The following USP53 variants were observed in gnomAD, a reference collection of about 807,000 sequenced individuals.
USP53 encodes ubiquitin specific peptidase 53, also known as ubiquitin carboxyl-terminal hydrolase 53.
USP53 carries 71 observed loss-of-function variants against 94.9 expected under a neutral mutation model. The ratio of observed to expected loss-of-function variants is 0.75; its 90% CI spans 0.62 to 0.91. The LOEUF is 0.91. USP53 is among the 40% of genes least tolerant of loss of function. The pLI, the probability that USP53 is intolerant of heterozygous loss-of-function variation, is 0.00. For missense variants in USP53, 1,173 were observed against 1,281.0 expected (o/e 0.92, Z 1.29); for synonymous variants, 375 against 422.7 (o/e 0.89, Z 1.39).
chr4:119,253,762 T>C (rs1749366747), intron 7 of USP53, among the ~76,000 whole-genome samples: 1 of 152,174 alleles, frequency 6.6e-6, no homozygotes, highest in African/African-American at 2.4e-5. Context: ...CCTGTCATTA[T>C]GATGTTAGCT....
intron 17 of USP53, among the ~76,000 whole-genome samples, chr4:119,273,971 A>G (rs887411828): frequency 3.3e-5 from 5 of 150,772 alleles, no homozygotes; most frequent in Admixed American, 3.3e-4. Context: ...GACTTCACAA[A>G]GTGTTAATAA....
intron 17 of USP53, among the ~76,000 whole-genome samples, chr4:119,284,418 C>T (rs756202736): frequency 9.9e-5 from 15 of 151,566 alleles, no homozygotes; most frequent in Non-Finnish European, 1.9e-4. Flanking sequence ...ATGATGAATT[C>T]TGCTGCAAAT....
Position 119,271,683 on chromosome 4 carries a change from G to C in USP53, c.1823G>C (p.Arg608Thr). 1 of 1,613,982 alleles carries C rather than the reference G, an allele frequency of 6.2e-7. No individual in the cohort carries two copies. Among genetic ancestry groups the C allele is most frequent in the Non-Finnish European group, 8.5e-7 (1 of 1,180,008 alleles). ...AGTGAAAAAAGACAGCATAGTCCAA[G>C]ACATAAACCAAATATCAGTAATAAG... ...SESEKRQHSP[R>T]HKPNISNKPK... The change falls in exon 16 of 19, where the codon AGA becomes ACA. Residue 608 changes from arginine to threonine, a missense_variant. Arg to Thr is a moderately conservative substitution (Grantham distance 71). Coordinates refer to ENST00000692078, the MANE Select transcript of USP53 (RefSeq NM_001371395.1).
chr4:119,272,651 C>T (rs1238999461), intron 16 of USP53: 1 of 152,438 alleles, frequency 6.6e-6, no homozygotes, highest in African/African-American at 2.4e-5. Context: ...ATCCACCTGC[C>T]TTGGCCTCCC....
intron 17 of USP53, among the ~76,000 whole-genome samples, chr4:119,278,296 G>T (rs1752937735): frequency 6.6e-6 from 1 of 152,002 alleles, no homozygotes; most frequent in Non-Finnish European, 1.5e-5. Flanking sequence ...GGCAGGCCTA[G>T]TGGTGACAAA....
At chr4:119,219,515 T>C (rs1032521085) in intron 3 of USP53, 1 of 152,246 alleles carries the variant, frequency 6.6e-6, no homozygotes, top group African/African-American at 2.4e-5. Context: ...GCCAAATACA[T>C]TGACATTCAT....
chr4:119,292,250 A>C, intron 18 of USP53, 88 bp from the exon 19 acceptor site: 1 of 1,361,750 alleles, frequency 7.3e-7, no homozygotes, highest in Non-Finnish European at 9.7e-7. Flanking sequence ...TTTTGGGAAA[A>C]TCAAACTACA....
chr4:119,254,716 ACTTCTGTCAACT>A (rs914022457), intron 7 of USP53, among the ~76,000 whole-genome samples: 1 of 152,142 alleles, frequency 6.6e-6, no homozygotes, highest in Admixed American at 6.5e-5. Context: ...TCTGAAGCCT[ACTTCTGTCAACT>A]CTTCAAACTC....
intron 17 of USP53, among the ~76,000 whole-genome samples, chr4:119,286,452 T>C (rs1370769284): frequency 2.0e-5 from 3 of 151,890 alleles, no homozygotes; most frequent in Non-Finnish European, 4.4e-5. Context: ...GACACATGGA[T>C]GTCTATGTCA....
At chr4:119,225,534 C>G (rs1478692434) in intron 3 of USP53, among the ~76,000 whole-genome samples, 2 of 152,032 alleles carry the variant, frequency 1.3e-5, no homozygotes, top group Admixed American at 6.5e-5. Flanking sequence ...ATCACGAGGT[C>G]CAGAGATCAA....
intron 17 of USP53, among the ~76,000 whole-genome samples, chr4:119,282,237 T>TA (rs1371624583): frequency 6.6e-6 from 1 of 152,146 alleles, no homozygotes; most frequent in African/African-American, 2.4e-5. Flanking sequence ...TGTGGGTTGT[T>TA]ATTATCCTTT....
At chr4:119,259,294 A>G (rs542999340) in intron 9 of USP53, among the ~76,000 whole-genome samples, 2,791 of 132,772 alleles carry the variant, frequency 0.021, 116 homozygotes, top group African/African-American at 0.075. Flanking sequence ...AAAAAAAAAA[A>G]AGGGGGGGGA....
intron 11 of USP53, among the ~76,000 whole-genome samples, chr4:119,261,358 A>C (rs1454749931): frequency 1.3e-5 from 2 of 152,198 alleles, no homozygotes; most frequent in African/African-American, 2.4e-5. Flanking sequence ...TAATATGTTT[A>C]ATGAACATTC....
Position 119,239,723 on chromosome 4 carries a change from C to CATAAA in USP53, c.-36_-35insTAAAA. The CATAAA allele has an allele frequency of 1.3e-6, 2 of 1,574,874 alleles. No homozygotes were observed. The highest frequency in any genetic ancestry group is 2.4e-5 in the South Asian group (2 of 84,566). ...GTCCAAAATATTACATAAAAGTGTA[C>CATAAA]AGTTTTTAGCCTAAATGCAAACAAA... On this transcript the variant is annotated 5_prime_UTR_variant, in exon 5 of 19. Coordinates refer to ENST00000692078, the MANE Select transcript of USP53 (RefSeq NM_001371395.1).
intron 9 of USP53, 101 bp downstream of exon 9, chr4:119,256,624 C>T: frequency 8.2e-7 from 1 of 1,212,494 alleles, no homozygotes; most frequent in Non-Finnish European, 1.2e-6. Context: ...AATTTCCCCT[C>T]TCTGTCTGAG....
intron 3 of USP53, among the ~76,000 whole-genome samples, chr4:119,234,615 A>G (rs1272233922): frequency 6.6e-6 from 1 of 152,264 alleles, no homozygotes; most frequent in Admixed American, 6.5e-5. Flanking sequence ...CATTAAAAAT[A>G]AAAATGTACT....
chr4:119,269,212 A>G (rs369724170), intron 14 of USP53, among the ~76,000 whole-genome samples: 16 of 152,330 alleles, frequency 1.1e-4, no homozygotes, highest in African/African-American at 3.6e-4. Context: ...TTAAGCCCAG[A>G]AATAGTATAT....
At chr4:119,279,696 C>G (rs930540580) in intron 17 of USP53, among the ~76,000 whole-genome samples, 1 of 152,162 alleles carries the variant, frequency 6.6e-6, no homozygotes, top group Non-Finnish European at 1.5e-5. Context: ...GCCCCTCCCC[C>G]AGCCTCGCTG....
intron 17 of USP53, among the ~76,000 whole-genome samples, chr4:119,278,962 A>C (rs1753053163): frequency 1.2e-5 from 1 of 84,174 alleles, no homozygotes; most frequent in Non-Finnish European, 2.7e-5. Flanking sequence ...CAGCTCCTTT[A>C]AGCACTTCTC....
Sources: gnomAD v4.1 joint callset for allele counts (sites outside exome capture counted in the v4.1 genomes callset) on GRCh38, gnomAD v4.1.1 for gene constraint, MANE v1.5 for transcripts, NCBI Gene and HGNC (gene_info 2026-07-23, HGNC 2026-07-21) for gene names.